The following UBE3B variants were observed in gnomAD, a reference collection of about 807,000 sequenced individuals.
UBE3B encodes the protein ubiquitin protein ligase E3B.
A neutral mutation model predicts 132.3 loss-of-function variants in UBE3B; 80 were observed. The observed-to-expected ratio is 0.60, with a 90% CI of 0.50 to 0.73. The LOEUF (loss-of-function observed/expected upper bound fraction) is 0.73, where lower values mean the gene tolerates loss of function less well. Among genes scored for constraint, UBE3B ranks in the 30% least tolerant of loss-of-function variants. The pLI is 0.00. For missense variants in UBE3B, 1,196 were observed against 1,362.5 expected, an observed-to-expected ratio of 0.88 and a Z score of 1.92; for synonymous variants, 487 against 520.4, an observed-to-expected ratio of 0.94 and a Z score of 0.87.
chr12:109,533,612 C>G (rs762521856), intron 27 of UBE3B, 54 bp downstream of exon 27: 1 of 1,493,094 alleles, frequency 6.7e-7, no homozygotes, highest in Non-Finnish European at 9.3e-7. Context: ...TGGTGGTTGT[C>G]TGCTGTGCCC....
chr12:109,480,511 TGTG>T (rs1043463190), intron 1 of UBE3B, among the ~76,000 whole-genome samples: 4 of 151,984 alleles, frequency 2.6e-5, no homozygotes. Context: ...ACTAGCCAGA[TGTG>T]GTGGTATGTA....
chr12:109,529,823 A>G (rs1882763359), intron 24 of UBE3B, 67 bp from the exon 25 acceptor site: 2 of 1,569,514 alleles, frequency 1.3e-6, no homozygotes, highest in Admixed American at 3.4e-5. Flanking sequence ...ACTGTCTTTC[A>G]GCCCATTGGT....
Position 109,483,720 on chromosome 12 carries a change from C to T in UBE3B, c.161+8C>T, listed in dbSNP as rs773989312. ...ACTGCAGAGAGATATCAGGTAAGGG[C>T]TAGGATCTCCCTAGCACATGATTCT... On this transcript the variant is annotated splice_region_variant and intron_variant, in intron 3 of 27. Coordinates refer to ENST00000342494, the MANE Select transcript of UBE3B (RefSeq NM_130466.4). 6.3e-7 allele frequency: 1 copy of T among 1,593,134 alleles called. No homozygotes were observed. Among genetic ancestry groups the T allele is most frequent in the Non-Finnish European group, 8.5e-7 (1 of 1,170,666 alleles).
intron 12 of UBE3B, among the ~76,000 whole-genome samples, chr12:109,500,328 T>C (rs1878805604): frequency 6.6e-6 from 1 of 152,214 alleles, no homozygotes; most frequent in Non-Finnish European, 1.5e-5. Context: ...CTTCATGAAT[T>C]TGAAATATCT....
At chr12:109,519,418 A>G (rs1881442395) in intron 19 of UBE3B, 1 of 152,338 alleles carries the variant, frequency 6.6e-6, no homozygotes, top group South Asian at 2.1e-4. Context: ...CGTTTAAACA[A>G]AGAGGCTGGT....
intron 18 of UBE3B, among the ~76,000 whole-genome samples, chr12:109,514,977 G>T (rs978134396): frequency 2.0e-5 from 3 of 150,516 alleles, no homozygotes; most frequent in Admixed American, 6.6e-5. Context: ...GCAGTGGCGC[G>T]ATCTCAGCTC....
In UBE3B at chr12:109,521,518, T is replaced by A; in HGVS notation, c.2331T>A (p.Phe777Leu). Reference protein sequence around the residue: ...IHENYLQLFEFVGKMLGKAVY... With the variant: ...IHENYLQLFELVGKMLGKAVY... ...AGAATTACCTGCAGCTCTTCGAGTT[T>A]GTGGGGAAGATGCTGGGGAAGGCTG... The change falls in exon 21 of 28, where the codon TTT becomes TTA. Residue 777 changes from phenylalanine to leucine, a missense_variant. Coordinates refer to ENST00000342494, the MANE Select transcript of UBE3B (RefSeq NM_130466.4). The surrounding 1 kb of genome is among the most constrained non-coding windows in gnomAD (Gnocchi z 4.2). The A allele has an allele frequency of 1.9e-6, 3 of 1,601,196 alleles. No individual in the cohort carries two copies. Among genetic ancestry groups the A allele is most frequent in the Non-Finnish European group, 2.6e-6 (3 of 1,171,482 alleles).
chr12:109,540,402 G>T (rs1870476003), downstream of UBE3B, among the ~76,000 whole-genome samples: 1 of 152,158 alleles, frequency 6.6e-6, no homozygotes, highest in African/African-American at 2.4e-5. Flanking sequence ...ATAGAAACAG[G>T]GTTTTGCCAT....
At position 109,490,284 on chromosome 12, in the gene UBE3B, G is replaced by C. The variant is rs1877234649; in HGVS notation, c.630+280G>C. On this transcript the variant is annotated intron_variant, in intron 8 of 27. Transcript: ENST00000342494. ...TTTAAACTCTGGAAGGAGACCTCAG[G>C]GCTTGTTCCCTCAGATTCCTTCTTG... 3 of 1,169,928 alleles carry C rather than the reference G, an allele frequency of 2.6e-6. No homozygotes were observed. In the African/African-American group the frequency reaches 4.6e-5, roughly 18 times the overall value. The allele number at this position is 1,169,928 out of a possible 1,614,324, so 72.5% of individuals were successfully genotyped here.
chr12:109,525,761 G>A (rs1416054346), intron 23 of UBE3B, among the ~76,000 whole-genome samples: 1 of 152,022 alleles, frequency 6.6e-6, no homozygotes, highest in South Asian at 2.1e-4. Context: ...AAAAAAATTA[G>A]CTCTAATATG....
intron 4 of UBE3B, among the ~76,000 whole-genome samples, chr12:109,485,308 T>C (rs1876230858): frequency 6.6e-6 from 1 of 152,118 alleles, no homozygotes; most frequent in African/African-American, 2.4e-5. Context: ...ACTGGGCCCT[T>C]GGGAGGAAAC....
the UBE3B span, among the ~76,000 whole-genome samples, chr12:109,542,514 C>T: frequency 1.3e-5 from 2 of 152,194 alleles, no homozygotes; most frequent in Non-Finnish European, 2.9e-5. Flanking sequence ...TGCATCCTAA[C>T]CCCCACTACC....
chr12:109,500,521 T>C (rs944145266), intron 12 of UBE3B, among the ~76,000 whole-genome samples: 19 of 152,114 alleles, frequency 1.2e-4, no homozygotes, highest in Non-Finnish European at 2.6e-4. Flanking sequence ...CATCCCTGGG[T>C]CCTATCTAGT....
intron 14 of UBE3B, among the ~76,000 whole-genome samples, chr12:109,503,438 T>C: frequency 6.6e-6 from 1 of 152,130 alleles, no homozygotes; most frequent in African/African-American, 2.4e-5. Context: ...GAATTTACTT[T>C]TAAAAAGTTT....
intron 24 of UBE3B, among the ~76,000 whole-genome samples, chr12:109,527,285 A>C (rs969250271): frequency 6.6e-6 from 1 of 152,214 alleles, no homozygotes; most frequent in Non-Finnish European, 1.5e-5. Flanking sequence ...AAAACCTCTC[A>C]GTGCATGGTC....
intron 24 of UBE3B, chr12:109,528,412 T>A (rs1362562188): frequency 1.0e-6 from 1 of 985,304 alleles, no homozygotes; most frequent in East Asian, 1.1e-4. Context: ...TGTATTAATA[T>A]ACAGGTTTGC....
chr12:109,532,855 A>G (rs942309526), intron 26 of UBE3B, among the ~76,000 whole-genome samples: 16 of 152,226 alleles, frequency 1.1e-4, no homozygotes, highest in Admixed American at 6.5e-5. Context: ...TCTCTTGCAC[A>G]GGGTCCCCCG....
intron 5 of UBE3B, 128 bp from the exon 6 acceptor site, chr12:109,486,343 T>C (rs1014756519): frequency 3.8e-5 from 30 of 798,588 alleles, no homozygotes; most frequent in Middle Eastern, 2.3e-4. Context: ...TTACAGCTTA[T>C]TTGTCCATTC....
the UBE3B span, among the ~76,000 whole-genome samples, chr12:109,544,047 G>T: frequency 3.9e-5 from 6 of 152,254 alleles, no homozygotes; most frequent in African/African-American, 1.4e-4. Flanking sequence ...AGACTGCAGG[G>T]TGTGTTTGGG....
Sources: allele counts gnomAD v4.1 joint callset (sites outside exome capture counted in the v4.1 genomes callset), GRCh38; gene constraint gnomAD v4.1.1; non-coding constraint Gnocchi (gnomAD v3.1); transcripts MANE v1.5; gene names NCBI Gene and HGNC (gene_info 2026-07-23, HGNC 2026-07-21).